Variants in DPP6 observed in about 807,000 individuals in gnomAD.
DPP6 encodes the protein A-type potassium channel modulatory protein DPP6.
In DPP6, 69 loss-of-function variants were observed where a neutral mutation model predicts 122.6. The ratio of observed to expected loss-of-function variants is 0.56; its 90% CI spans 0.46 to 0.69. The LOEUF is 0.69. Ranked by LOEUF, DPP6 falls within the 30% of genes least tolerant of loss-of-function variation. The pLI is 0.00. For synonymous variants in DPP6, 418 were observed against 433.1 expected, an observed-to-expected ratio of 0.97 and a Z score of 0.43; for missense variants, 928 against 1,116.9, an observed-to-expected ratio of 0.83 and a Z score of 2.41.
chr7:154,110,652 A>G (rs1472999195), intron 1 of DPP6, among the ~76,000 whole-genome samples: 1 of 152,076 alleles, frequency 6.6e-6, no homozygotes, highest in African/African-American at 2.4e-5. Flanking sequence ...TGGGTTTTCC[A>G]CAGGAACAGC....
chr7:154,173,168 A>G (rs1797621600), intron 1 of DPP6, among the ~76,000 whole-genome samples: 1 of 152,200 alleles, frequency 6.6e-6, no homozygotes, highest in African/African-American at 2.4e-5. Context: ...AGTCTTGGTT[A>G]ATTTATCCCA....
intron 1 of DPP6, among the ~76,000 whole-genome samples, chr7:153,988,714 G>A (rs1323101629): frequency 1.3e-5 from 2 of 152,356 alleles, no homozygotes; most frequent in African/African-American, 4.8e-5. Context: ...GAGTTGAAGA[G>A]CTTCTCAGCG....
chr7:154,629,719 G>A (rs1410576371), intron 5 of DPP6, among the ~76,000 whole-genome samples: 1 of 152,190 alleles, frequency 6.6e-6, no homozygotes, highest in Non-Finnish European at 1.5e-5. Context: ...GAGGACTCCA[G>A]TGGTGCTTCG....
intron 5 of DPP6, among the ~76,000 whole-genome samples, chr7:154,628,828 CT>C (rs1350880073): frequency 6.6e-6 from 1 of 152,144 alleles, no homozygotes; most frequent in African/African-American, 2.4e-5. Flanking sequence ...GAATTAATTA[CT>C]AAAACCAGCC....
chr7:154,545,397 C>A (rs992727596), intron 4 of DPP6, among the ~76,000 whole-genome samples: 3 of 152,028 alleles, frequency 2.0e-5, no homozygotes, highest in African/African-American at 7.2e-5. Flanking sequence ...TTTTTATCTT[C>A]TGAGTAGAAC....
the DPP6 span, among the ~76,000 whole-genome samples, chr7:153,818,135 C>T: frequency 6.8e-6 from 1 of 148,068 alleles, no homozygotes; most frequent in Admixed American, 6.6e-5. Flanking sequence ...AGAGAAAGTC[C>T]AAATGGCCAA....
At chr7:153,886,349 G>C (rs1387695441), upstream of DPP6, among the ~76,000 whole-genome samples, 1 of 152,174 alleles carries the variant, frequency 6.6e-6, no homozygotes, top group Admixed American at 6.5e-5. Context: ...AACCCAGGTC[G>C]CGGTCACTGG....
chr7:153,783,298 G>A, the DPP6 span, among the ~76,000 whole-genome samples: 8 of 152,254 alleles, frequency 5.3e-5, no homozygotes, highest in Admixed American at 3.3e-4. Context: ...CAATCATGGC[G>A]GAAGACACCT....
At chr7:154,426,358 C>T (rs1269179675) in intron 1 of DPP6, among the ~76,000 whole-genome samples, 1 of 152,164 alleles carries the variant, frequency 6.6e-6, no homozygotes, top group African/African-American at 2.4e-5. Context: ...ACTTTTATAG[C>T]ACAATCTTTT....
At chr7:154,632,244 C>G (rs927528636) in intron 5 of DPP6, among the ~76,000 whole-genome samples, 8 of 152,188 alleles carry the variant, frequency 5.3e-5, no homozygotes, top group African/African-American at 1.9e-4. Context: ...TTAGGCTGAA[C>G]TTAAAACATG....
Position 154,820,645 on chromosome 7 carries a change from C to A in DPP6, c.1666+13533C>A, listed in dbSNP as rs190386097. On this transcript the variant is annotated intron_variant, in intron 16 of 25. Transcript: ENST00000377770. ...CAACCAAAAGGCTTCCCAGAGGACCCAAGAACTGGACAAAGATGAACATTC... is the reference window on the plus strand; with the variant it reads ...CAACCAAAAGGCTTCCCAGAGGACCAAAGAACTGGACAAAGATGAACATTC... 1.3e-3 allele frequency among the ~76,000 whole-genome samples: 198 copies of A among 152,178 alleles called. 1 individual carries two copies. Among genetic ancestry groups the A allele is most frequent in the African/African-American group, 4.5e-3 (187 of 41,514 alleles).
At chr7:153,884,132 G>T (rs529290805), upstream of DPP6, among the ~76,000 whole-genome samples, 64 of 152,164 alleles carry the variant, frequency 4.2e-4, 1 homozygote, top group African/African-American at 1.2e-3. Context: ...TTTACATTAG[G>T]TATATCTCCT....
intron 3 of DPP6, among the ~76,000 whole-genome samples, chr7:154,509,633 C>A (rs1416969469): frequency 6.6e-6 from 1 of 152,024 alleles, no homozygotes; most frequent in Non-Finnish European, 1.5e-5. Context: ...AGCTATATAC[C>A]CAAGAAAAAT....
At chr7:154,296,224 G>A (rs1039253342) in intron 1 of DPP6, among the ~76,000 whole-genome samples, 27 of 152,040 alleles carry the variant, frequency 1.8e-4, no homozygotes, top group Admixed American at 1.0e-3. Context: ...GATGACAGGC[G>A]TGAGCCACCG....
intron 1 of DPP6, among the ~76,000 whole-genome samples, chr7:154,073,101 C>T (rs769460759): frequency 6.6e-6 from 1 of 152,216 alleles, no homozygotes; most frequent in African/African-American, 2.4e-5. Flanking sequence ...GCACCTCAGC[C>T]TCATGTCCTC....
intron 1 of DPP6, among the ~76,000 whole-genome samples, chr7:154,124,589 T>G (rs1402005641): frequency 2.0e-5 from 3 of 152,228 alleles, no homozygotes; most frequent in Admixed American, 2.0e-4. Flanking sequence ...CAGTAAATGG[T>G]TTCAAAAATA....
At position 154,892,408 on chromosome 7, in the gene DPP6, C is replaced by G; in HGVS notation, c.2526C>G (p.Phe842Leu). Residue 842 changes from phenylalanine (F) to leucine (L), a missense_variant, in exon 26 of 26, where the codon TTC becomes TTG. By Grantham distance (22) the Phe-to-Leu change is conservative (BLOSUM62 0). Coordinates refer to ENST00000377770, the MANE Select transcript of DPP6 (RefSeq NM_130797.4). ...ATCTGTACCGGTCCATCATCAACTT[C>G]TTCGTGGAATGCTTCAGGATCCAGG... Reference protein sequence around the residue: ...KQHLYRSIINFFVECFRIQDK... With the variant: ...KQHLYRSIINLFVECFRIQDK... 1 of 1,614,074 alleles carries G rather than the reference C, an allele frequency of 6.2e-7. No individual in the cohort carries two copies. Among genetic ancestry groups the G allele is most frequent in the Non-Finnish European group, 8.5e-7 (1 of 1,179,908 alleles).
intron 22 of DPP6, among the ~76,000 whole-genome samples, chr7:154,887,229 C>G (rs951938947): frequency 6.6e-6 from 1 of 152,236 alleles, no homozygotes; most frequent in Non-Finnish European, 1.5e-5. Context: ...TGACACTCTT[C>G]TGTCACCCAG....
intron 1 of DPP6, among the ~76,000 whole-genome samples, chr7:154,366,766 A>G (rs768689916): frequency 1.3e-5 from 2 of 152,234 alleles, no homozygotes; most frequent in Non-Finnish European, 2.9e-5. Context: ...AAAAAAAATC[A>G]GAAAGTTGAA....
Sources: allele counts gnomAD v4.1 joint callset (sites outside exome capture counted in the v4.1 genomes callset), GRCh38; gene constraint gnomAD v4.1.1; transcripts MANE v1.5; gene names NCBI Gene and HGNC (gene_info 2026-07-23, HGNC 2026-07-21).